RBFOX1: variants seen among roughly 807,000 people sequenced by gnomAD.
The protein encoded by RBFOX1 is RNA binding protein fox-1 homolog 1.
Under a neutral mutation model 57.7 loss-of-function variants are expected in RBFOX1, and 8 were observed. That is an observed-to-expected ratio of 0.14 (90% CI 0.08 to 0.25). RBFOX1 has a LOEUF of 0.25. RBFOX1 is among the 10% of genes least tolerant of loss of function. RBFOX1 has a pLI of 1.00. For synonymous variants in RBFOX1, 326 were observed against 222.4 expected, an observed-to-expected ratio of 1.47 and a Z score of -4.15; for missense variants, 611 against 548.5, an observed-to-expected ratio of 1.11 and a Z score of -1.14.
intron 2 of RBFOX1, among the ~76,000 whole-genome samples, chr16:5,493,953 AG>A (rs2042917360): frequency 6.6e-6 from 1 of 152,218 alleles, no homozygotes; most frequent in Non-Finnish European, 1.5e-5. Context: ...CAAAAGAAAA[AG>A]GATAGAAAAT....
chr16:6,478,999 G>T (rs1451865190), intron 2 of RBFOX1, among the ~76,000 whole-genome samples: 1 of 152,134 alleles, frequency 6.6e-6, no homozygotes, highest in African/African-American at 2.4e-5. Context: ...GACTTGCTCA[G>T]CACAAGGTTG....
In RBFOX1 at chr16:5,577,029, C is replaced by T. The variant is rs75469806; in HGVS notation, c.259-21873C>T. Among the ~76,000 whole-genome samples, 357 of 152,298 alleles carry T rather than the reference C, an allele frequency of 2.3e-3. 10 individuals are homozygous for T. The East Asian group carries it at 0.063, about 27-fold the overall frequency. On this transcript the variant is annotated intron_variant, in intron 2 of 2. Transcript: ENST00000585867. ...GAGGCCCTTTTCCTCCTCTGCTCCT[C>T]TCTCCCCAATTTCCCTCTTCCCCTG...
chr16:7,130,628 G>C (rs1395915854), intron 4 of RBFOX1, among the ~76,000 whole-genome samples: 2 of 152,084 alleles, frequency 1.3e-5, no homozygotes, highest in Admixed American at 6.5e-5. Flanking sequence ...TGGTGATGTA[G>C]GTTTTATAGC....
chr16:7,017,600 G>T (rs1287910034), intron 3 of RBFOX1, among the ~76,000 whole-genome samples: 7 of 152,154 alleles, frequency 4.6e-5, no homozygotes, highest in Admixed American at 2.0e-4. Context: ...ATGAGGCTGG[G>T]GTCAAGGTAC....
At chr16:6,300,438 A>G (rs951730571) in intron 1 of RBFOX1, among the ~76,000 whole-genome samples, 4 of 152,160 alleles carry the variant, frequency 2.6e-5, no homozygotes, top group African/African-American at 9.7e-5. Context: ...AATATACACA[A>G]TTTTTGTCAA....
chr16:6,196,573 G>A (rs547476443), intron 1 of RBFOX1, among the ~76,000 whole-genome samples: 77 of 152,222 alleles, frequency 5.1e-4, no homozygotes, highest in Admixed American at 9.2e-4. Context: ...CCCCCCAAAT[G>A]TGAATTATTG....
intron 1 of RBFOX1, among the ~76,000 whole-genome samples, chr16:6,110,536 C>A (rs1597394817): frequency 6.6e-6 from 1 of 152,142 alleles, no homozygotes; most frequent in African/African-American, 2.4e-5. Flanking sequence ...AAACAACTAC[C>A]CGCTGGGCTG....
At chr16:6,564,031 C>T (rs1192481795) in intron 2 of RBFOX1, among the ~76,000 whole-genome samples, 1 of 152,102 alleles carries the variant, frequency 6.6e-6, no homozygotes, top group Non-Finnish European at 1.5e-5. Context: ...TGCTTCTTCC[C>T]AGCAAGCTAT....
chr16:6,413,496 AG>A (rs1443548190), intron 2 of RBFOX1, among the ~76,000 whole-genome samples: 4 of 152,132 alleles, frequency 2.6e-5, no homozygotes, highest in Non-Finnish European at 5.9e-5. Flanking sequence ...TGGTTAGGAC[AG>A]TGAAATTTTT....
intron 4 of RBFOX1, among the ~76,000 whole-genome samples, chr16:5,935,136 T>C (rs2059142530): frequency 6.6e-6 from 1 of 152,240 alleles, no homozygotes. Context: ...CAAGAAGGCT[T>C]GTGTCTATTT....
intron 3 of RBFOX1, among the ~76,000 whole-genome samples, chr16:7,018,973 A>G (rs1449211324): frequency 2.0e-5 from 3 of 151,930 alleles, no homozygotes; most frequent in Admixed American, 2.0e-4. Flanking sequence ...TTAAAAAGCA[A>G]TAAATAAATA....
At chr16:5,545,828 C>A (rs951524237) in intron 2 of RBFOX1, among the ~76,000 whole-genome samples, 7 of 152,078 alleles carry the variant, frequency 4.6e-5, no homozygotes, top group Non-Finnish European at 7.4e-5. Flanking sequence ...TGGAATAAGT[C>A]ACTTTAATAA....
At chr16:5,935,414 T>C (rs1351725152) in intron 4 of RBFOX1, among the ~76,000 whole-genome samples, 1 of 152,082 alleles carries the variant, frequency 6.6e-6, no homozygotes. Context: ...AAGGATCAGG[T>C]AGGCAGCATA....
At chr16:6,049,369 A>C (rs1200894716) in intron 1 of RBFOX1, among the ~76,000 whole-genome samples, 1 of 152,084 alleles carries the variant, frequency 6.6e-6, no homozygotes, top group African/African-American at 2.4e-5. Flanking sequence ...GCATATTTAA[A>C]AGTAGAGAGA....
intron 2 of RBFOX1, among the ~76,000 whole-genome samples, chr16:5,480,095 T>G (rs1387557201): frequency 6.6e-6 from 1 of 152,170 alleles, no homozygotes; most frequent in Middle Eastern, 3.2e-3. Flanking sequence ...GCTCACATGC[T>G]TAAGTGGGAG....
At chr16:7,003,304 G>A (rs537795749) in intron 3 of RBFOX1, among the ~76,000 whole-genome samples, 4 of 151,872 alleles carry the variant, frequency 2.6e-5, no homozygotes, top group South Asian at 4.2e-4. Context: ...TACTAAAAGT[G>A]CAAAAATTAG....
intron 3 of RBFOX1, among the ~76,000 whole-genome samples, chr16:6,918,165 C>T (rs192899445): frequency 6.6e-6 from 1 of 151,824 alleles, no homozygotes; most frequent in African/African-American, 2.4e-5. Context: ...GCCTGTAGTC[C>T]CAGCTACTAG....
intron 3 of RBFOX1, among the ~76,000 whole-genome samples, chr16:5,718,727 T>A (rs948904466): frequency 1.3e-5 from 2 of 152,110 alleles, no homozygotes; most frequent in Non-Finnish European, 2.9e-5. Context: ...GCCGACATGG[T>A]GGAATCCCAT....
chr16:5,395,166 G>C (rs1167531224), intron 1 of RBFOX1, among the ~76,000 whole-genome samples: 1 of 152,176 alleles, frequency 6.6e-6, no homozygotes. Flanking sequence ...CAGCATCCCA[G>C]AGCACTGCAC....
Sources: allele counts gnomAD v4.1 joint callset (sites outside exome capture counted in the v4.1 genomes callset), GRCh38; gene constraint gnomAD v4.1.1; transcripts MANE v1.5; gene names NCBI Gene and HGNC (gene_info 2026-07-23, HGNC 2026-07-21).